FRMD5: variants seen among roughly 807,000 people sequenced by gnomAD.
The protein encoded by FRMD5 is FERM domain-containing protein 5.
FRMD5 carries 20 observed loss-of-function variants against 69.0 expected under a neutral mutation model. The observed-to-expected ratio is 0.29, with a 90% CI of 0.20 to 0.42. The LOEUF (loss-of-function observed/expected upper bound fraction) is 0.42, where lower values mean the gene tolerates loss of function less well. FRMD5 is among the 10% of genes least tolerant of loss of function. The probability of loss-of-function intolerance (pLI) is 1.00; values close to 1 mark genes in which losing one functional copy is unlikely to be tolerated. For missense variants in FRMD5, 595 were observed against 708.6 expected (o/e 0.84, Z 1.82); for synonymous variants, 271 against 260.1 (o/e 1.04, Z -0.40).
rs1437625579 is a variant in FRMD5, at chr15:44,182,432, C to T, written c.102+12521G>A. Among the ~76,000 whole-genome samples, 8 of 149,132 alleles carry T rather than the reference C, an allele frequency of 5.4e-5. No individual in the cohort carries two copies. The Admixed American group carries it at 5.4e-4, about 10-fold the overall frequency. On this transcript the variant is annotated intron_variant, in intron 1 of 13. Transcript: ENST00000417257. ...GCAACCCCCACCTCACAGGTTCAAG[C>T]AAATCTCCTGCCTCAGCCTCCCAAG... is the stretch of plus-strand genomic sequence containing the variant.
At chr15:43,971,490 C>G (rs1263126894) in intron 1 of FRMD5, among the ~76,000 whole-genome samples, 2 of 151,248 alleles carry the variant, frequency 1.3e-5, no homozygotes, top group Admixed American at 1.3e-4. Flanking sequence ...TCAAGACCAG[C>G]CTGATCAAGA....
At chr15:44,061,588 G>A (rs1301877708) in intron 1 of FRMD5, among the ~76,000 whole-genome samples, 1 of 152,150 alleles carries the variant, frequency 6.6e-6, no homozygotes, top group Non-Finnish European at 1.5e-5. Context: ...ATCCCAGTTT[G>A]TTATGCCAGT....
chr15:43,891,921 C>T (rs370257803), intron 8 of FRMD5, 60 bp downstream of exon 8: 33 of 1,398,230 alleles, frequency 2.4e-5, no homozygotes, highest in Non-Finnish European at 2.9e-5. Context: ...ACACGGGAAC[C>T]GTCGCCCCTC....
intron 10 of FRMD5, among the ~76,000 whole-genome samples, chr15:43,887,947 C>T (rs2088702115): frequency 2.0e-5 from 3 of 152,220 alleles, no homozygotes; most frequent in South Asian, 2.1e-4. Context: ...CTTTTATAAC[C>T]ACTTTCTTAA....
intron 1 of FRMD5, among the ~76,000 whole-genome samples, chr15:44,091,715 A>T (rs1326763337): frequency 6.6e-6 from 1 of 152,090 alleles, no homozygotes; most frequent in Non-Finnish European, 1.5e-5. Context: ...TTTTTTCCAC[A>T]AACTTTTTTT....
intron 2 of FRMD5, among the ~76,000 whole-genome samples, chr15:43,920,118 C>T (rs1370771229): frequency 1.3e-5 from 2 of 152,302 alleles, no homozygotes; most frequent in Admixed American, 6.5e-5. Context: ...AAGGCACAAG[C>T]GACTGCATGT....
At chr15:44,035,740 C>A (rs1170486874) in intron 1 of FRMD5, among the ~76,000 whole-genome samples, 1 of 152,104 alleles carries the variant, frequency 6.6e-6, no homozygotes, top group Non-Finnish European at 1.5e-5. Context: ...TTTCTTTGGA[C>A]CAACTGCCAC....
intron 1 of FRMD5, among the ~76,000 whole-genome samples, chr15:44,124,080 C>A (rs1284142164): frequency 1.3e-5 from 2 of 152,054 alleles, no homozygotes; most frequent in African/African-American, 4.8e-5. Flanking sequence ...CAACCTCTGC[C>A]TCCTTGGGTT....
chr15:43,925,688 C>G (rs1439518735), intron 1 of FRMD5, among the ~76,000 whole-genome samples: 1 of 152,222 alleles, frequency 6.6e-6, no homozygotes, highest in Non-Finnish European at 1.5e-5. Flanking sequence ...TCTCTGCACT[C>G]ACCCAAAATC....
intron 1 of FRMD5, among the ~76,000 whole-genome samples, chr15:44,150,549 G>C (rs917672948): frequency 2.0e-5 from 3 of 151,916 alleles, no homozygotes; most frequent in Non-Finnish European, 2.9e-5. Context: ...AGAGGCCGAA[G>C]CAGGAAGATC....
Position 43,902,160 on chromosome 15 carries a change from A to G in FRMD5, c.639+15T>C. The G allele has an allele frequency of 6.2e-7, 1 of 1,604,336 alleles. No homozygotes were observed. Among genetic ancestry groups the G allele is most frequent in the Non-Finnish European group, 8.5e-7 (1 of 1,171,132 alleles). On this transcript the variant is annotated intron_variant, in intron 7 of 13. Transcript: ENST00000417257. ...AGGAGGAAAGGTCATGCAGTCTCCA[A>G]CCAGGGGGTCTTACCTTACATGGGT...
At chr15:44,040,992 CAAAAAAAAAAAAAAAAAAAAAAAAAA>C (rs71421819) in intron 1 of FRMD5, among the ~76,000 whole-genome samples, 37 of 17,500 alleles carry the variant, frequency 2.1e-3, no homozygotes, top group Admixed American at 0.01. Flanking sequence ...AAATGGAAAG[CAAAAAAAAAAAAAAAAAAAAAAAAAA>C]AAAAAAAAAA....
intron 1 of FRMD5, among the ~76,000 whole-genome samples, chr15:44,081,442 C>G (rs987538822): frequency 2.6e-5 from 4 of 152,056 alleles, no homozygotes; most frequent in African/African-American, 9.7e-5. Context: ...CTGGGATCAA[C>G]TATTTCAGGA....
intron 1 of FRMD5, among the ~76,000 whole-genome samples, chr15:43,975,968 C>T (rs760475160): frequency 2.0e-5 from 3 of 151,332 alleles, no homozygotes; most frequent in Admixed American, 6.6e-5. Flanking sequence ...TAGACCCACA[C>T]ATGTTCATTT....
At chr15:44,072,690 T>C (rs1392502896) in intron 1 of FRMD5, among the ~76,000 whole-genome samples, 1 of 152,200 alleles carries the variant, frequency 6.6e-6, no homozygotes, top group Non-Finnish European at 1.5e-5. Context: ...TGTGCTCAGA[T>C]TGAAAGAAAC....
chr15:44,053,147 AAAC>A (rs2140353044), intron 1 of FRMD5, among the ~76,000 whole-genome samples: 1 of 152,288 alleles, frequency 6.6e-6, no homozygotes, highest in South Asian at 2.1e-4. Flanking sequence ...TAGAGCATGA[AAAC>A]AACTTCAAAC....
At chr15:44,082,760 A>G (rs944964808) in intron 1 of FRMD5, among the ~76,000 whole-genome samples, 1 of 151,974 alleles carries the variant, frequency 6.6e-6, no homozygotes, top group Admixed American at 6.6e-5. Context: ...TACTTAGAGG[A>G]AAAAAATCAC....
chr15:44,050,872 G>A (rs1247658378), intron 1 of FRMD5, among the ~76,000 whole-genome samples: 1 of 151,408 alleles, frequency 6.6e-6, no homozygotes, highest in East Asian at 2.0e-4. Flanking sequence ...CGGCCAGGCT[G>A]GTCTCAAACT....
At chr15:44,007,926 G>C (rs573071969) in intron 1 of FRMD5, among the ~76,000 whole-genome samples, 9 of 152,036 alleles carry the variant, frequency 5.9e-5, no homozygotes, top group Non-Finnish European at 1.3e-4. Context: ...TCACAGGCGT[G>C]AGCCACTGCG....
Sources: allele counts gnomAD v4.1 joint callset (sites outside exome capture counted in the v4.1 genomes callset), GRCh38; gene constraint gnomAD v4.1.1; transcripts MANE v1.5; gene names NCBI Gene and HGNC (gene_info 2026-07-23, HGNC 2026-07-21).